Variants in ROCK1 observed in about 807,000 individuals in gnomAD.
The protein encoded by ROCK1 is Rho associated coiled-coil containing protein kinase 1.
Under a neutral mutation model 196.8 loss-of-function variants are expected in ROCK1, and 36 were observed. The observed-to-expected ratio is 0.18, with a 90% CI of 0.14 to 0.24. The LOEUF (loss-of-function observed/expected upper bound fraction) is 0.24, where lower values mean the gene tolerates loss of function less well. ROCK1 is among the 10% of genes least tolerant of loss of function. The probability of loss-of-function intolerance (pLI) is 1.00; values close to 1 mark genes in which losing one functional copy is unlikely to be tolerated. For missense variants in ROCK1, 920 were observed against 1,562.0 expected (o/e 0.59, Z 6.93); for synonymous variants, 443 against 515.9 (o/e 0.86, Z 1.91).
chr18:21,025,092 G>A (rs76208893), intron 10 of ROCK1, among the ~76,000 whole-genome samples: 2,210 of 152,276 alleles, frequency 0.015, 26 homozygotes, highest in Middle Eastern at 0.024. Flanking sequence ...CTTGAATGCA[G>A]CAAAGGAAAT....
chr18:21,095,413 T>G (rs1166500102), intron 1 of ROCK1, among the ~76,000 whole-genome samples: 1 of 152,172 alleles, frequency 6.6e-6, no homozygotes, highest in Non-Finnish European at 1.5e-5. Flanking sequence ...ACTCCCATGT[T>G]TATCATACCA....
Position 21,060,362 on chromosome 18 carries a change from A to G in ROCK1, c.175+10170T>C, listed in dbSNP as rs1395569411. ...CATTATGCAAATGAAAATTGACAGT[A>G]GCAAATGCGGCAAGGATGCACAACA... On this transcript the variant is annotated intron_variant, in intron 2 of 32. Coordinates refer to ENST00000399799, the MANE Select transcript of ROCK1 (RefSeq NM_005406.3). Among the ~76,000 whole-genome samples the G allele has an allele frequency of 2.0e-5, 3 of 152,220 alleles. No individual in the cohort carries two copies. The East Asian group carries it at 5.8e-4, about 29-fold the overall frequency.
chr18:20,985,039 T>A (rs2035565823), intron 19 of ROCK1, among the ~76,000 whole-genome samples: 1 of 151,214 alleles, frequency 6.6e-6, no homozygotes, highest in African/African-American at 2.4e-5. Flanking sequence ...AGTCAGAGGT[T>A]GCAGTGAGCC....
intron 9 of ROCK1, among the ~76,000 whole-genome samples, chr18:21,034,085 A>C (rs893650330): frequency 6.6e-6 from 1 of 151,650 alleles, no homozygotes; most frequent in Non-Finnish European, 1.5e-5. Flanking sequence ...ACCTAGGAAC[A>C]AATTTAACCA....
At chr18:21,081,992 C>T (rs2036486595) in intron 1 of ROCK1, among the ~76,000 whole-genome samples, 1 of 152,084 alleles carries the variant, frequency 6.6e-6, no homozygotes, top group African/African-American at 2.4e-5. Context: ...CACTCTGTTG[C>T]CCAGGGTGAA....
intron 2 of ROCK1, among the ~76,000 whole-genome samples, chr18:21,060,023 G>C (rs1240025528): frequency 6.6e-6 from 1 of 152,168 alleles, no homozygotes; most frequent in East Asian, 1.9e-4. Flanking sequence ...GGTTGTCTAG[G>C]GCTGGAAGCC....
intron 16 of ROCK1, among the ~76,000 whole-genome samples, chr18:20,995,604 T>C (rs532300256): frequency 3.3e-5 from 5 of 152,084 alleles, no homozygotes; most frequent in South Asian, 2.1e-4. Context: ...TGAGACCCAG[T>C]GCTGTGCTGG....
intron 16 of ROCK1, among the ~76,000 whole-genome samples, chr18:20,999,649 T>C (rs1330160785): frequency 6.6e-6 from 1 of 152,222 alleles, no homozygotes; most frequent in Admixed American, 6.5e-5. Flanking sequence ...AAACACATTT[T>C]AAAAGATCTA....
chr18:21,020,456 G>A (rs1308092720), intron 11 of ROCK1, among the ~76,000 whole-genome samples: 2 of 151,988 alleles, frequency 1.3e-5, no homozygotes, highest in East Asian at 3.8e-4. Flanking sequence ...AAAAGATTTG[G>A]TTCCTGTTCT....
chr18:20,996,631 G>A (rs1198950193), intron 16 of ROCK1, among the ~76,000 whole-genome samples: 1 of 152,112 alleles, frequency 6.6e-6, no homozygotes, highest in Non-Finnish European at 1.5e-5. Context: ...GTAATGGTAA[G>A]TACACTGAAA....
At chr18:21,062,703 T>C (rs551365542) in intron 2 of ROCK1, among the ~76,000 whole-genome samples, 12 of 152,230 alleles carry the variant, frequency 7.9e-5, no homozygotes, top group African/African-American at 2.9e-4. Context: ...TGCCAGACAC[T>C]ACCTTAAACC....
chr18:21,049,730 A>T, intron 3 of ROCK1, 50 bp downstream of exon 3: 1 of 1,072,832 alleles, frequency 9.3e-7, no homozygotes. Flanking sequence ...ACACAAGTGG[A>T]TTATTTTAAT....
At chr18:21,035,020 T>C (rs1256458391) in intron 9 of ROCK1, among the ~76,000 whole-genome samples, 2 of 152,264 alleles carry the variant, frequency 1.3e-5, no homozygotes, top group African/African-American at 4.8e-5. Context: ...ATAAGCAACA[T>C]GACAAGATGT....
Position 20,979,663 on chromosome 18 carries a change from A to G in ROCK1, c.2654+247T>C, listed in dbSNP as rs148108156. ...AAAAATAAAAATTGCAATACCCCTG[A>G]AAACAATTGTCAAACCAACTTTTTG... On this transcript the variant is annotated intron_variant, in intron 22 of 32. Transcript: ENST00000399799. Among the ~76,000 whole-genome samples the G allele has an allele frequency of 2.2e-4, 34 of 152,274 alleles. No individual in the cohort carries two copies. In the East Asian group the frequency reaches 6.2e-3, roughly 28 times the overall value.
intron 26 of ROCK1, 81 bp from the exon 27 acceptor site, chr18:20,967,157 T>C (rs1343318656): frequency 3.2e-6 from 3 of 946,948 alleles, no homozygotes; most frequent in South Asian, 3.2e-5. Flanking sequence ...ATAATTTAAA[T>C]TGCTAATACT....
At chr18:20,994,452 G>A (rs1370129277) in intron 16 of ROCK1, among the ~76,000 whole-genome samples, 3 of 152,094 alleles carry the variant, frequency 2.0e-5, no homozygotes, top group Non-Finnish European at 2.9e-5. Flanking sequence ...TAGCCAACAT[G>A]GTGAAACCCT....
rs762811262 is a variant in ROCK1, at chr18:21,039,548, C to T, written c.975G>A (p.Gly325=). The T allele has an allele frequency of 3.7e-6, 6 of 1,613,380 alleles. No homozygotes were observed. Among genetic ancestry groups the T allele is most frequent in the Non-Finnish European group, 5.1e-6 (6 of 1,179,520 alleles). ...GTTTGATTTCTTCTACACCATTTCG[C>T]CCTAACCTCACTTCCCTGAATAATG... ...AFLTDREVRL[G]RNGVEEIKRH... Residue 325 remains glycine, a synonymous_variant, in exon 9 of 33, where the codon GGG becomes GGA. Transcript: ENST00000399799.
chr18:21,055,035 A>G (rs2036235264), intron 2 of ROCK1, among the ~76,000 whole-genome samples: 1 of 151,922 alleles, frequency 6.6e-6, no homozygotes, highest in Admixed American at 6.6e-5. Flanking sequence ...TCTTTTTCCT[A>G]CCTAGCCAGC....
chr18:20,990,571 G>A (rs1568377231), intron 18 of ROCK1, among the ~76,000 whole-genome samples: 1 of 151,068 alleles, frequency 6.6e-6, no homozygotes, highest in South Asian at 2.1e-4. Context: ...TCGGGTGCCT[G>A]TAATCCCAGC....
Sources: gnomAD v4.1 joint callset for allele counts (sites outside exome capture counted in the v4.1 genomes callset) on GRCh38, gnomAD v4.1.1 for gene constraint, MANE v1.5 for transcripts, NCBI Gene and HGNC (gene_info 2026-07-23, HGNC 2026-07-21) for gene names.